Variants in COL1A1 observed in about 807,000 individuals in gnomAD.
COL1A1 encodes the protein collagen type I alpha 1 chain, also known as collagen alpha-1(I) chain.
A neutral mutation model predicts 195.7 loss-of-function variants in COL1A1; 21 were observed. The observed-to-expected ratio is 0.11, with a 90% confidence interval of 0.08 to 0.15. The LOEUF is 0.15. Among genes scored for constraint, COL1A1 ranks in the 10% least tolerant of loss-of-function variants. The probability of loss-of-function intolerance (pLI) is 1.00; values close to 1 mark genes in which losing one functional copy is unlikely to be tolerated. For missense variants in COL1A1, 1,365 were observed against 2,051.0 expected (o/e 0.67, Z 6.46); for synonymous variants, 749 against 747.3 (o/e 1.00, Z -0.04).
Position 50,184,186 on chromosome 17 carries a change from G to C in COL1A1, c.*1316C>G, listed in dbSNP as rs967567610. On this transcript the variant is annotated 3_prime_UTR_variant, in exon 51 of 51. Coordinates refer to ENST00000225964, the MANE Select transcript of COL1A1 (RefSeq NM_000088.4). The stretch of plus-strand genomic sequence containing the variant: ...ATTATACACATACAAAATAGGTACA[G>C]AGTCTTTTGCTTCCTCCCACCCCTA... The C allele has an allele frequency of 1.8e-5, 4 of 226,210 alleles. No individual in the cohort carries two copies. The highest frequency in any genetic ancestry group is 1.1e-4 in the Admixed American group (2 of 17,546). 14.0% of individuals were successfully genotyped at this position (226,210 alleles called of 1,614,324 possible).
rs369093767 is a variant in COL1A1, at chr17:50,191,123, C to T, written c.2236-199G>A. Among the ~76,000 whole-genome samples, 10 of 152,236 alleles carry T rather than the reference C, an allele frequency of 6.6e-5. No individual in the cohort carries two copies. In the East Asian group the frequency reaches 1.5e-3, roughly 24 times the overall value. ...GGAACTGAGGTTAAGAGGCCCCTGACTTGTGTAGCGGGATGAATAAGGGAG... is the reference window on the plus strand; with the variant it reads ...GGAACTGAGGTTAAGAGGCCCCTGATTTGTGTAGCGGGATGAATAAGGGAG... On this transcript the variant is annotated intron_variant, in intron 32 of 50. Transcript: ENST00000225964.
chr17:50,194,204 G>T lies in COL1A1; in HGVS notation c.1615-21C>A. ...AGACCCTAGGGAGGCAGAGAGGTAT[G>T]AGTGGGACTTGGGGAGAAGCATGAT... On this transcript the variant is annotated intron_variant, in intron 23 of 50. Transcript: ENST00000225964. This position sits in a 1 kb window ranked among gnomAD's most constrained non-coding sequence, Gnocchi z 6.8. 1 of 1,613,054 alleles carries T rather than the reference G, an allele frequency of 6.2e-7. No individual in the cohort carries two copies. The highest frequency in any genetic ancestry group is 8.5e-7 in the Non-Finnish European group (1 of 1,179,734).
Position 50,190,611 on chromosome 17 carries a change from C to A in COL1A1, c.2344-15G>T. Reference sequence around the variant, plus strand: ...CCACTTTCACCCTGAGAGCAAGGGACAAGAGGCTCAGGGTCAGGGCCTCCC... The same window carrying A: ...CCACTTTCACCCTGAGAGCAAGGGAAAAGAGGCTCAGGGTCAGGGCCTCCC... On this transcript the variant is annotated splice_polypyrimidine_tract_variant and intron_variant, in intron 33 of 50. Coordinates refer to ENST00000225964, the MANE Select transcript of COL1A1 (RefSeq NM_000088.4). This position sits in a 1 kb window ranked among gnomAD's most constrained non-coding sequence, Gnocchi z 4.7. 6.2e-7 allele frequency: 1 copy of A among 1,612,892 alleles called. No individual in the cohort carries two copies. Among genetic ancestry groups the A allele is most frequent in the East Asian group, 2.2e-5 (1 of 44,864 alleles).
In COL1A1 at chr17:50,194,559, C is replaced by A; in HGVS notation, c.1515+14G>T. The A allele has an allele frequency of 6.3e-7, 1 of 1,596,924 alleles. No individual in the cohort carries two copies. The highest frequency in any genetic ancestry group is 8.5e-7 in the Non-Finnish European group (1 of 1,171,814). Reference sequence around the variant, plus strand: ...AGCGGCAGGGTCAGCCCCCCGGCCGCAAGGAGAGGTTACCTTGGGACCAGC... The same window carrying A: ...AGCGGCAGGGTCAGCCCCCCGGCCGAAAGGAGAGGTTACCTTGGGACCAGC... On this transcript the variant is annotated intron_variant, in intron 22 of 50. Coordinates refer to ENST00000225964, the MANE Select transcript of COL1A1 (RefSeq NM_000088.4). The surrounding 1 kb of genome is among the most constrained non-coding windows in gnomAD (Gnocchi z 6.8).
Position 50,192,887 on chromosome 17 carries a change from A to G in COL1A1, c.1822-37T>C, listed in dbSNP as rs754433784. 300 of 1,613,490 alleles carry G rather than the reference A, an allele frequency of 1.9e-4. 2 individuals carry two copies. The South Asian group carries it at 2.2e-3, about 12-fold the overall frequency. On this transcript the variant is annotated intron_variant, in intron 26 of 50. Transcript: ENST00000225964. ...GAGCAAAGGGGAACTCAGGGTTAGG[A>G]GGCCCCGAGCAGCTGAGGACCGTGG...
At position 50,192,765 on chromosome 17, in the gene COL1A1, G is replaced by A. The variant is rs766456214; in HGVS notation, c.1875+32C>T. 12 of 1,613,814 alleles carry A rather than the reference G, an allele frequency of 7.4e-6. No individual in the cohort carries two copies. In the East Asian group the frequency reaches 2.7e-4, roughly 36 times the overall value. On this transcript the variant is annotated intron_variant, in intron 27 of 50. Transcript: ENST00000225964. The stretch of plus-strand genomic sequence containing the variant: ...GGGCTGAGGGTGTCTCCCCTTTTCT[G>A]CTCCCCAGATCTCCCCATCAGGGAC...
At position 50,186,338 on chromosome 17, in the gene COL1A1, C is replaced by G; in HGVS notation, c.3984G>C (p.Glu1328Asp). 6.2e-7 allele frequency: 1 copy of G among 1,614,262 alleles called. No homozygotes were observed. The highest frequency in any genetic ancestry group is 8.5e-7 in the Non-Finnish European group (1 of 1,180,046). The change falls in exon 49 of 51, where the codon GAG becomes GAC. Residue 1328 changes from glutamate (E) to aspartate (D), a missense_variant. This residue lies in a region of COL1A1 where 273 missense variants were observed against 338.6 expected (regional missense o/e 0.81). Coordinates refer to ENST00000225964, the MANE Select transcript of COL1A1 (RefSeq NM_000088.4). The surrounding 1 kb of genome is among the most constrained non-coding windows in gnomAD (Gnocchi z 5.3). ...PKDKRHVWFG[E>D]SMTDGFQFEY... ...GCACCTGGAATCCATCGGTCATGCT[C>G]TCGCCGAACCAGACATGCCTCTTGT...
At position 50,189,800 on chromosome 17, in the gene COL1A1, C is replaced by G; in HGVS notation, c.2613+59G>C. 1.9e-6 allele frequency: 3 copies of G among 1,612,150 alleles called. No homozygotes were observed. The highest frequency in any genetic ancestry group is 2.5e-6 in the Non-Finnish European group (3 of 1,178,890). On this transcript the variant is annotated intron_variant, in intron 37 of 50. Coordinates refer to ENST00000225964, the MANE Select transcript of COL1A1 (RefSeq NM_000088.4). This position sits in a 1 kb window ranked among gnomAD's most constrained non-coding sequence, Gnocchi z 5.5. ...AACTCATCCGACCCAGCTGCCCTCA[C>G]CTGCCACCGCTGCCTGGGGAGAGGG...
At position 50,185,451 on chromosome 17, in the gene COL1A1, T is replaced by A. The variant is rs1906405156; in HGVS notation, c.*51A>T. ...TTGGGTTGCTTGTCTGTTTCCGGGTTGGGGGGAAAGTTGGTTGGGTGGGAG... is the reference window on the plus strand; with the variant it reads ...TTGGGTTGCTTGTCTGTTTCCGGGTAGGGGGGAAAGTTGGTTGGGTGGGAG... On this transcript the variant is annotated 3_prime_UTR_variant, in exon 51 of 51. Coordinates refer to ENST00000225964, the MANE Select transcript of COL1A1 (RefSeq NM_000088.4). 1 of 1,605,516 alleles carries A rather than the reference T, an allele frequency of 6.2e-7. No individual in the cohort carries two copies. The highest frequency in any genetic ancestry group is 2.3e-5 in the East Asian group (1 of 44,342).
Position 50,187,063 on chromosome 17 carries a change from G to T in COL1A1, c.3483C>A (p.Pro1161=), listed in dbSNP as rs1296938050. Residue 1161 remains proline, a synonymous_variant, in exon 47 of 51, where the codon CCC becomes CCA. Transcript: ENST00000225964. ...GACCGCGAGGACCAGGGGGCCCAATGGGGCCAGGGAGACCGTTGAGTCCAT... is the reference window on the plus strand; with the variant it reads ...GACCGCGAGGACCAGGGGGCCCAATTGGGCCAGGGAGACCGTTGAGTCCAT... ...GKDGLNGLPG[P]IGPPGPRGRT... The T allele has an allele frequency of 6.2e-7, 1 of 1,613,832 alleles. No homozygotes were observed. The highest frequency in any genetic ancestry group is 2.2e-5 in the East Asian group (1 of 44,848).
chr17:50,196,207 A>C lies in COL1A1; in HGVS notation c.958-8T>G. The C allele has an allele frequency of 3.1e-6, 5 of 1,613,994 alleles. No homozygotes were observed. Among genetic ancestry groups the C allele is most frequent in the Non-Finnish European group, 3.4e-6 (4 of 1,179,950 alleles). ...ATCATTTCCACGAGCACCCTGCAGG[A>C]GAGAGGGGAAGCCCCGTTAAGTCCA... On this transcript the variant is annotated splice_polypyrimidine_tract_variant and splice_region_variant and intron_variant, in intron 14 of 50. Transcript: ENST00000225964.
chr17:50,200,623 A>T (rs1364680760), intron 1 of COL1A1, among the ~76,000 whole-genome samples: 1 of 152,152 alleles, frequency 6.6e-6, no homozygotes, highest in African/African-American at 2.4e-5. Context: ...ATAGTCCAGA[A>T]GTTAGCTAAC....
Position 50,197,013 on chromosome 17 carries a change from G to A in COL1A1, c.801C>T (p.His267=), listed in dbSNP as rs769689009. 7.4e-6 allele frequency: 12 copies of A among 1,614,044 alleles called. 1 individual carries two copies. The South Asian group carries it at 1.2e-4, about 16-fold the overall frequency. The change falls in exon 11 of 51, where the codon CAC becomes CAT. Residue 267 remains histidine, a synonymous_variant. Transcript: ENST00000225964. ...GTAGLPGMKG[H]RGFSGLDGAK... ...AAATGACTCAAAGGTGACTCACTCT[G>A]TGTCCCTTCATTCCAGGGAGGCCAG...
rs777284370 is a variant in COL1A1 at position 50,201,557 on chromosome 17, G to T, written c.-44C>A. On this transcript the variant is annotated 5_prime_UTR_variant, in exon 1 of 51. Transcript: ENST00000225964. ...TAGACTCTTTGTGGCTGGGGAGGGG[G>T]TTAGCGTCCGCTCATGCGTGGCCTC... The T allele has an allele frequency of 1.3e-6, 2 of 1,552,248 alleles. No individual in the cohort carries two copies. Among genetic ancestry groups the T allele is most frequent in the Non-Finnish European group, 1.7e-6 (2 of 1,144,034 alleles).
At position 50,194,253 on chromosome 17, in the gene COL1A1, G is replaced by A. The variant is rs910682736; in HGVS notation, c.1615-70C>T. 1.9e-6 allele frequency: 3 copies of A among 1,589,700 alleles called. No individual in the cohort carries two copies. In the East Asian group the frequency reaches 6.7e-5, roughly 36 times the overall value. Reference sequence around the variant, plus strand: ...ATGGAGGTGGGGGAGGACTCCAGAGGGCAGACCCTTGGGCCTGATCCAGAA... The same window carrying A: ...ATGGAGGTGGGGGAGGACTCCAGAGAGCAGACCCTTGGGCCTGATCCAGAA... On this transcript the variant is annotated intron_variant, in intron 23 of 50. Transcript: ENST00000225964. The surrounding 1 kb of genome is among the most constrained non-coding windows in gnomAD (Gnocchi z 6.8).
rs760559799 is a variant in COL1A1 at position 50,198,487 on chromosome 17, C to T, written c.489G>A (p.Leu163=). The stretch of plus-strand genomic sequence containing the variant: ...TTGATTTCTCATCATAGCCATAAGA[C>T]AGCTGGGGAGCAAAGTTCTAGAACA... The part of the protein sequence containing the change: ...PGLGGNFAPQ[L]SYGYDEKSTG... The change falls in exon 6 of 51, where the codon CTG becomes CTA. Residue 163 remains leucine (L), a synonymous_variant. Coordinates refer to ENST00000225964, the MANE Select transcript of COL1A1 (RefSeq NM_000088.4). 3 of 1,613,160 alleles carry T rather than the reference C, an allele frequency of 1.9e-6. No individual in the cohort carries two copies. In the Admixed American group the frequency reaches 5.0e-5, roughly 27 times the overall value.
chr17:50,192,107 G>GGGTCT lies in COL1A1; in HGVS notation c.1984-88_1984-84dup. ...CTGGAAAGCACGGTCCTTCCTCCTG[G>GGGTCT]GGTCTGGCCGTGATTAGAGAGGAAC... On this transcript the variant is annotated intron_variant, in intron 29 of 50. Coordinates refer to ENST00000225964, the MANE Select transcript of COL1A1 (RefSeq NM_000088.4). The GGGTCT allele has an allele frequency of 1.6e-5, 23 of 1,452,498 alleles. No homozygotes were observed. In the South Asian group the frequency reaches 2.8e-4, roughly 17 times the overall value. 90.0% of individuals were successfully genotyped at this position (1,452,498 alleles called of 1,614,324 possible). A position where few individuals can be genotyped will look rare whatever the true frequency, so the allele number is the denominator to read the frequency against.
At position 50,201,611 on chromosome 17, in the gene COL1A1, C is replaced by T. The variant is rs574683904; in HGVS notation, c.-98G>A. On this transcript the variant is annotated 5_prime_UTR_variant, in exon 1 of 51. Coordinates refer to ENST00000225964, the MANE Select transcript of COL1A1 (RefSeq NM_000088.4). ...CTCCGCGTGCCTCCTGCTCCGACCC[C>T]GAGGAGAAACTCCCGTCTGCTCCGA... 5.5e-5 allele frequency: 57 copies of T among 1,040,966 alleles called. No individual in the cohort carries two copies. In the East Asian group the frequency reaches 1.3e-3, roughly 24 times the overall value. 64.5% of individuals were successfully genotyped at this position (1,040,966 alleles called of 1,614,324 possible). A position where few individuals can be genotyped will look rare whatever the true frequency, so the allele number is the denominator to read the frequency against.
At chr17:50,193,653 T>G in intron 25 of COL1A1, 1 of 400,706 alleles carries the variant, frequency 2.5e-6, no homozygotes. Context: ...AGCTAATCTT[T>G]TGTATTTTTA....
Sources: allele counts gnomAD v4.1 joint callset (sites outside exome capture counted in the v4.1 genomes callset), GRCh38; gene constraint gnomAD v4.1.1; regional missense constraint gnomAD v4.1.1; non-coding constraint Gnocchi (gnomAD v3.1); transcripts MANE v1.5; gene names NCBI Gene and HGNC (gene_info 2026-07-23, HGNC 2026-07-21).